The following ATP6V1G1 variants were observed in gnomAD, a reference collection of about 807,000 sequenced individuals.
The protein encoded by ATP6V1G1 is ATPase H+ transporting V1 subunit G1, also known as V-type proton ATPase subunit G 1.
ATP6V1G1 carries 14 observed loss-of-function variants against 14.2 expected under a neutral mutation model. The observed-to-expected ratio is 0.99, with a 90% confidence interval of 0.65 to 1.55. The LOEUF is 1.55. Among genes scored for constraint, ATP6V1G1 ranks in the 40% most tolerant of loss-of-function variants. The pLI, the probability that ATP6V1G1 is intolerant of heterozygous loss-of-function variation, is 0.00. For missense variants in ATP6V1G1, 137 were observed against 146.4 expected, an observed-to-expected ratio of 0.94 and a Z score of 0.33; for synonymous variants, 65 against 53.3, an observed-to-expected ratio of 1.22 and a Z score of -0.96.
intron 2 of ATP6V1G1, 53 bp from the exon 3 acceptor site, chr9:114,597,517 C>T (rs1845251739): frequency 1.4e-6 from 2 of 1,394,474 alleles, no homozygotes; most frequent in Non-Finnish European, 1.9e-6. Flanking sequence ...TGTACCTGAC[C>T]AACCAGAGCA....
chr9:114,588,203 GTTC>G (rs1381944101), intron 1 of ATP6V1G1: 13 of 446,558 alleles, frequency 2.9e-5, no homozygotes, highest in Non-Finnish European at 4.0e-5. Flanking sequence ...GGAGCTCTTT[GTTC>G]TTCTTCTCTC....
intron 2 of ATP6V1G1, among the ~76,000 whole-genome samples, chr9:114,595,044 T>C (rs1589313856): frequency 6.6e-6 from 1 of 150,594 alleles, no homozygotes; most frequent in African/African-American, 2.4e-5. Context: ...TTTTTTGTCT[T>C]TTTAGTAGAG....
intron 1 of ATP6V1G1, among the ~76,000 whole-genome samples, chr9:114,589,612 C>T (rs1165293905): frequency 6.6e-6 from 1 of 152,134 alleles, no homozygotes; most frequent in Non-Finnish European, 1.5e-5. Context: ...GTTCTTGCTC[C>T]GGTGACTGGA....
intron 1 of ATP6V1G1, among the ~76,000 whole-genome samples, chr9:114,590,113 G>A (rs1345673881): frequency 1.3e-5 from 2 of 150,904 alleles, no homozygotes; most frequent in Admixed American, 6.6e-5. Flanking sequence ...CAGGAGAAAC[G>A]CTTGAACCCA....
At chr9:114,593,907 AAACC>A (rs1398726920) in intron 2 of ATP6V1G1, among the ~76,000 whole-genome samples, 1 of 152,152 alleles carries the variant, frequency 6.6e-6, no homozygotes, top group Admixed American at 6.5e-5. Context: ...CCTGGGCAAT[AAACC>A]AAGACCCTGT....
Position 114,597,618 on chromosome 9 carries a change from CAGG to C in ATP6V1G1, c.235_237del (p.Glu79del). 2 of 1,579,850 alleles carry C rather than the reference CAGG, an allele frequency of 1.3e-6. No individual in the cohort carries two copies. Among genetic ancestry groups the C allele is most frequent in the Non-Finnish European group, 1.7e-6 (2 of 1,165,038 alleles). ...CAGCACTGAAGTGGAGAAGGAGACCCAGGAGAAGATGACCATCCTCCAGACATA... is the reference window on the plus strand; with the variant it reads ...CAGCACTGAAGTGGAGAAGGAGACCCAGAAGATGACCATCCTCCAGACATA... On this transcript the variant is annotated inframe_deletion, in exon 3 of 3. Coordinates refer to ENST00000374050, the MANE Select transcript of ATP6V1G1 (RefSeq NM_004888.4).
At chr9:114,596,127 C>T (rs1280933088) in intron 2 of ATP6V1G1, among the ~76,000 whole-genome samples, 4 of 151,914 alleles carry the variant, frequency 2.6e-5, no homozygotes, top group Non-Finnish European at 4.4e-5. Flanking sequence ...GCTAAAAATT[C>T]AGGTAATAAA....
intron 2 of ATP6V1G1, among the ~76,000 whole-genome samples, chr9:114,594,065 A>AT (rs57752605): frequency 0.037 from 4,965 of 135,276 alleles, 286 homozygotes; most frequent in African/African-American, 0.12. Flanking sequence ...CATCATCTTC[A>AT]TTTTTTTTTT....
chr9:114,594,920 C>G (rs544460291), intron 2 of ATP6V1G1, among the ~76,000 whole-genome samples: 7 of 144,620 alleles, frequency 4.8e-5, no homozygotes, highest in Non-Finnish European at 9.0e-5. Context: ...AGTGCAATGG[C>G]GCGATCTTGG....
intron 2 of ATP6V1G1, among the ~76,000 whole-genome samples, chr9:114,594,839 CTTTCT>C (rs1044956908): frequency 3.4e-5 from 5 of 148,388 alleles, no homozygotes; most frequent in East Asian, 2.0e-4. Flanking sequence ...TTCCTTTTTT[CTTTCT>C]TTTCTTTTCT....
In ATP6V1G1 at chr9:114,593,028, A is replaced by C. The variant is rs79856704; in HGVS notation, c.183+376A>C. 1.0e-3 allele frequency among the ~76,000 whole-genome samples: 155 copies of C among 152,332 alleles called. 2 individuals are homozygous for C. The East Asian group carries it at 0.03, about 29-fold the overall frequency. On this transcript the variant is annotated intron_variant, in intron 2 of 2. Coordinates refer to ENST00000374050, the MANE Select transcript of ATP6V1G1 (RefSeq NM_004888.4). ...TGCAAATCATGCAGAGCTACTACTG[A>C]AAAATGCTGTGACGGTCATAAACAT...
At position 114,597,582 on chromosome 9, in the gene ATP6V1G1, C is replaced by T. The variant is rs570734987; in HGVS notation, c.196C>T (p.Arg66Cys). The change falls in exon 3 of 3, where the codon CGT becomes TGT. Residue 66 changes from arginine (R) to cysteine (C), a missense_variant. Physicochemically the swap from Arg to Cys is radical, Grantham distance 180. Coordinates refer to ENST00000374050, the MANE Select transcript of ATP6V1G1 (RefSeq NM_004888.4). ...KAKEAAALGS[R>C]GSCSTEVEKE... The stretch of plus-strand genomic sequence containing the variant: ...TCCCCATCTCCAGGCATTGGGATCC[C>T]GTGGCAGTTGCAGCACTGAAGTGGA... 8.6e-5 allele frequency: 129 copies of T among 1,504,286 alleles called. No homozygotes were observed. The highest frequency in any genetic ancestry group is 2.4e-4 in the African/African-American group (17 of 69,974). The allele number at this position is 1,504,286 out of a possible 1,614,324, so 93.2% of individuals were successfully genotyped here.
rs779049198 is a variant in ATP6V1G1 at position 114,587,809 on chromosome 9, G to C, written c.-30G>C. ...AGGGGCCTTCGAGGTGCCTTAGGCC[G>C]CTTGCCTTGCTCTCAGAATCGCTGC... On this transcript the variant is annotated 5_prime_UTR_variant, in exon 1 of 3. Transcript: ENST00000374050. 6.4e-7 allele frequency: 1 copy of C among 1,565,632 alleles called. No individual in the cohort carries two copies. The highest frequency in any genetic ancestry group is 8.7e-7 in the Non-Finnish European group (1 of 1,154,752).
rs574916000 is a variant in ATP6V1G1 at position 114,597,698 on chromosome 9, T to C, written c.312T>C (p.Cys104=). The part of the protein sequence containing the change: ...EVLDNLLAFV[C]DIRPEIHENY... ...TGGACAACCTCTTGGCTTTTGTCTG[T>C]GACATTCGGCCAGAAATCCATGAAA... is the stretch of plus-strand genomic sequence containing the variant. Residue 104 remains cysteine, a synonymous_variant, in exon 3 of 3, where the codon TGT becomes TGC. Transcript: ENST00000374050. 41 of 1,588,972 alleles carry C rather than the reference T, an allele frequency of 2.6e-5. No individual in the cohort carries two copies. The South Asian group carries it at 4.4e-4, about 17-fold the overall frequency.
chr9:114,591,638 A>G (rs1239184687), intron 1 of ATP6V1G1, among the ~76,000 whole-genome samples: 1 of 152,176 alleles, frequency 6.6e-6, no homozygotes, highest in Non-Finnish European at 1.5e-5. Flanking sequence ...TACAGGTCCA[A>G]AGTTCTGTTC....
At chr9:114,594,457 C>T (rs1274025259) in intron 2 of ATP6V1G1, among the ~76,000 whole-genome samples, 3 of 150,588 alleles carry the variant, frequency 2.0e-5, no homozygotes, top group African/African-American at 7.3e-5. Flanking sequence ...CATCTCAGTT[C>T]ACTACGACCT....
intron 1 of ATP6V1G1, among the ~76,000 whole-genome samples, chr9:114,590,056 GGCGTGGTGGTGTGC>G (rs1845167013): frequency 6.6e-6 from 1 of 151,950 alleles, no homozygotes; most frequent in South Asian, 2.1e-4. Flanking sequence ...AAGTTAGCTG[GGCGTGGTGGTGTGC>G]GCGTGTAGTC....
At chr9:114,594,406 TG>T (rs1845214815) in intron 2 of ATP6V1G1, among the ~76,000 whole-genome samples, 1 of 144,046 alleles carries the variant, frequency 6.9e-6, no homozygotes, top group Non-Finnish European at 1.5e-5. Context: ...CTGTCCGAGA[TG>T]TAGTCTTGCT....
Position 114,597,606 on chromosome 9 carries a change from G to A in ATP6V1G1, c.220G>A (p.Glu74Lys), listed in dbSNP as rs1475687820. 6.4e-7 allele frequency: 1 copy of A among 1,554,420 alleles called. No individual in the cohort carries two copies. Among genetic ancestry groups the A allele is most frequent in the Non-Finnish European group, 8.7e-7 (1 of 1,152,162 alleles). The change falls in exon 3 of 3, where the codon GAG becomes AAG. Residue 74 changes from glutamate to lysine, a missense_variant. By Grantham distance (56) the Glu-to-Lys change is moderately conservative. Transcript: ENST00000374050. ...GSRGSCSTEV[E>K]KETQEKMTIL... is the part of the protein sequence containing the mutation. ...CCGTGGCAGTTGCAGCACTGAAGTG[G>A]AGAAGGAGACCCAGGAGAAGATGAC...
Sources: allele counts gnomAD v4.1 joint callset (sites outside exome capture counted in the v4.1 genomes callset), GRCh38; gene constraint gnomAD v4.1.1; transcripts MANE v1.5; gene names NCBI Gene and HGNC (gene_info 2026-07-23, HGNC 2026-07-21).